The following CHD1 variants were observed in gnomAD, a reference collection of about 807,000 sequenced individuals.
The protein encoded by CHD1 is ATP-dependent chromatin remodeler CHD1.
CHD1 carries 36 observed loss-of-function variants against 224.2 expected under a neutral mutation model. That is an observed-to-expected ratio of 0.16 (90% CI 0.12 to 0.21). The LOEUF (loss-of-function observed/expected upper bound fraction) is 0.21, where lower values mean the gene tolerates loss of function less well. CHD1 is among the 10% of genes least tolerant of loss of function. The pLI, the probability that CHD1 is intolerant of heterozygous loss-of-function variation, is 1.00. For synonymous variants in CHD1, 668 were observed against 658.3 expected (o/e 1.01, Z -0.23); for missense variants, 1,378 against 1,994.8 (o/e 0.69, Z 5.89).
intron 21 of CHD1, 47 bp from the exon 22 acceptor site, chr5:98,881,218 C>T (rs1267882279): frequency 1.4e-6 from 2 of 1,419,606 alleles, no homozygotes; most frequent in Non-Finnish European, 1.9e-6. Context: ...TCCTTTCATC[C>T]TGTCAAATAT....
At position 98,927,527 on chromosome 5, in the gene CHD1, C is replaced by T. The variant is rs149649024; in HGVS notation, c.-148-993G>A. 3.1e-3 allele frequency among the ~76,000 whole-genome samples: 467 copies of T among 152,336 alleles called. 2 individuals are homozygous for T. The highest frequency in any genetic ancestry group is 0.014 in the Middle Eastern group (4 of 294). On this transcript the variant is annotated intron_variant, in intron 1 of 35. Coordinates refer to ENST00000614616, the MANE Select transcript of CHD1 (RefSeq NM_001270.4). ...AACTCAATGATAGCAAAGTCTGCATCTGGATCAGGATGTTAATTCTCTAGA... is the reference window on the plus strand; with the variant it reads ...AACTCAATGATAGCAAAGTCTGCATTTGGATCAGGATGTTAATTCTCTAGA...
chr5:98,868,024 C>A (rs1749030039), intron 31 of CHD1, among the ~76,000 whole-genome samples: 1 of 151,874 alleles, frequency 6.6e-6, no homozygotes. Context: ...TGATCTCAAA[C>A]TCCTAACCTC....
intron 32 of CHD1, chr5:98,860,619 CAG>C (rs543006239): frequency 3.6e-4 from 58 of 161,540 alleles, no homozygotes; most frequent in Middle Eastern, 3.1e-3. Flanking sequence ...AGTAATTAAT[CAG>C]AGACTGTAAT....
chr5:98,909,027 C>T (rs944002137), intron 2 of CHD1, among the ~76,000 whole-genome samples: 11 of 151,702 alleles, frequency 7.3e-5, no homozygotes, highest in African/African-American at 2.7e-4. Flanking sequence ...GAATCTATCA[C>T]CCAGCTCCAC....
intron 2 of CHD1, among the ~76,000 whole-genome samples, chr5:98,910,497 T>G (rs1752320104): frequency 6.6e-6 from 1 of 152,152 alleles, no homozygotes; most frequent in Admixed American, 6.5e-5. Context: ...TTATGTTGCT[T>G]TATTTACTTG....
chr5:98,864,721 C>T (rs1434197603), intron 31 of CHD1, among the ~76,000 whole-genome samples: 1 of 151,836 alleles, frequency 6.6e-6, no homozygotes, highest in Non-Finnish European at 1.5e-5. Context: ...CACACCACTG[C>T]TTTGAAGGAC....
intron 35 of CHD1, 53 bp from the exon 36 acceptor site, chr5:98,856,778 C>A: frequency 8.6e-7 from 1 of 1,167,998 alleles, no homozygotes; most frequent in Non-Finnish European, 1.2e-6. Flanking sequence ...TAAAATGTTT[C>A]CAAATAAAAG....
rs1219936869 is a variant in CHD1 at position 98,903,837 on chromosome 5, C to T, written c.327G>A (p.Gln109=). The change falls in exon 4 of 36, where the codon CAG becomes CAA. Residue 109 remains glutamine (Q), a synonymous_variant. Coordinates refer to ENST00000614616, the MANE Select transcript of CHD1 (RefSeq NM_001270.4). ...SAILKKQQQQ[Q]QQQQHQASSN... is the part of the protein sequence containing the mutation. Reference sequence around the variant, plus strand: ...ATGAGGCTTGATGTTGTTGTTGCTGCTGCTGCTGTTGCTGCTTCTTGAGGA... The same window carrying T: ...ATGAGGCTTGATGTTGTTGTTGCTGTTGCTGCTGTTGCTGCTTCTTGAGGA... The T allele has an allele frequency of 6.2e-7, 1 of 1,613,596 alleles. No individual in the cohort carries two copies. Among genetic ancestry groups the T allele is most frequent in the Admixed American group, 1.7e-5 (1 of 60,008 alleles).
chr5:98,858,903 A>T, intron 34 of CHD1, 61 bp downstream of exon 34: 2 of 1,150,892 alleles, frequency 1.7e-6, no homozygotes, highest in Non-Finnish European at 2.4e-6. Flanking sequence ...GGTTTATTTA[A>T]AACAAAAATT....
At chr5:98,913,199 G>A (rs764996573) in intron 2 of CHD1, among the ~76,000 whole-genome samples, 3 of 152,176 alleles carry the variant, frequency 2.0e-5, no homozygotes, top group Non-Finnish European at 2.9e-5. Flanking sequence ...TGCTAGGCAT[G>A]GTGGCTCACA....
chr5:98,920,553 C>A (rs556504811), intron 2 of CHD1, among the ~76,000 whole-genome samples: 19 of 152,098 alleles, frequency 1.2e-4, no homozygotes, highest in Non-Finnish European at 2.5e-4. Context: ...TCCCAACACT[C>A]TGGGAGGCCA....
At position 98,854,452 on chromosome 5, in the gene CHD1, TA is replaced by T. The variant is rs1276632430; in HGVS notation, c.*1927del. 1 of 152,106 alleles carries T rather than the reference TA, an allele frequency of 6.6e-6. No individual in the cohort carries two copies. The highest frequency in any genetic ancestry group is 2.4e-5 in the African/African-American group (1 of 41,456). 9.4% of individuals were successfully genotyped at this position (152,106 alleles called of 1,614,324 possible). A position where few individuals can be genotyped will look rare whatever the true frequency, so the allele number is the denominator to read the frequency against. On this transcript the variant is annotated 3_prime_UTR_variant, in exon 36 of 36. Transcript: ENST00000614616. Reference sequence around the variant, plus strand: ...ATTAGTCAAATGCTATCTTGTGGAATAAAATAGTCATACTAAATGTAGAGAA... The same window carrying T: ...ATTAGTCAAATGCTATCTTGTGGAATAAATAGTCATACTAAATGTAGAGAA...
chr5:98,867,897 G>T (rs1200054300), intron 31 of CHD1, among the ~76,000 whole-genome samples: 2 of 148,332 alleles, frequency 1.3e-5, no homozygotes, highest in Non-Finnish European at 3.0e-5. Context: ...CAGCCTTCCA[G>T]GTTCCAGCAA....
intron 2 of CHD1, among the ~76,000 whole-genome samples, chr5:98,924,666 T>C (rs553987108): frequency 1.3e-5 from 2 of 152,294 alleles, no homozygotes; most frequent in East Asian, 3.9e-4. Flanking sequence ...AAAGTATAAC[T>C]AGCAAGGTCA....
At chr5:98,870,439 C>A (rs969940646) in intron 29 of CHD1, among the ~76,000 whole-genome samples, 1 of 151,968 alleles carries the variant, frequency 6.6e-6, no homozygotes, top group African/African-American at 2.4e-5. Context: ...TTTTCTCTAT[C>A]CCTCTCTAAA....
At chr5:98,874,091 G>GATA (rs1160951) in intron 25 of CHD1, among the ~76,000 whole-genome samples, 97,176 of 151,738 alleles carry the variant, frequency 0.64, 33,783 homozygotes, top group African/African-American at 0.92. Flanking sequence ...GCACCAAATA[G>GATA]ATATGAATGA....
chr5:98,858,711 A>C, intron 34 of CHD1: 1 of 425,940 alleles, frequency 2.3e-6, no homozygotes, highest in Non-Finnish European at 4.1e-6. Flanking sequence ...TCATTTTAAC[A>C]GTCATTCTAC....
At position 98,872,600 on chromosome 5, in the gene CHD1, A is replaced by G. The variant is rs769046836; in HGVS notation, c.3572-45T>C. 8.5e-6 allele frequency: 13 copies of G among 1,531,270 alleles called. No homozygotes were observed. In the Admixed American group the frequency reaches 2.1e-4, roughly 24 times the overall value. 94.9% of individuals were successfully genotyped at this position (1,531,270 alleles called of 1,614,324 possible). A position where few individuals can be genotyped will look rare whatever the true frequency, so the allele number is the denominator to read the frequency against. ...ACCAGTATTTTTAAAAGTATAAAAC[A>G]TAATTCTACAAAACACCAAGCAACT... On this transcript the variant is annotated intron_variant, in intron 26 of 35. Coordinates refer to ENST00000614616, the MANE Select transcript of CHD1 (RefSeq NM_001270.4).
chr5:98,900,259 A>G (rs161939), intron 7 of CHD1, among the ~76,000 whole-genome samples: 48,750 of 147,826 alleles, frequency 0.33, 9,785 homozygotes, highest in African/African-American at 0.55. Flanking sequence ...TCCAGCCTGG[A>G]CAACAGAACG....
Sources: gnomAD v4.1 joint callset for allele counts (sites outside exome capture counted in the v4.1 genomes callset) on GRCh38, gnomAD v4.1.1 for gene constraint, MANE v1.5 for transcripts, NCBI Gene and HGNC (gene_info 2026-07-23, HGNC 2026-07-21) for gene names.